The following SHROOM4 variants were observed in gnomAD, a reference collection of about 807,000 sequenced individuals.
SHROOM4 encodes protein Shroom4.
In SHROOM4, 17 loss-of-function variants were observed where a neutral mutation model predicts 80.3. The ratio of observed to expected loss-of-function variants is 0.21; its 90% CI spans 0.14 to 0.32. The LOEUF (loss-of-function observed/expected upper bound fraction) is 0.32. Among genes scored for constraint, SHROOM4 ranks in the 10% least tolerant of loss-of-function variants. The pLI, the probability that SHROOM4 is intolerant of heterozygous loss-of-function variation, is 1.00. For synonymous variants in SHROOM4, 400 were observed against 437.5 expected, an observed-to-expected ratio of 0.91 and a Z score of 1.07; for missense variants, 993 against 1,140.3, an observed-to-expected ratio of 0.87 and a Z score of 1.86.
downstream of SHROOM4, among the ~76,000 whole-genome samples, chrX:50,585,078 T>A (rs1485353273): frequency 1.8e-5 from 2 of 111,209 alleles, no homozygotes; most frequent in African/African-American, 6.5e-5. Context: ...CAGTGTAAGA[T>A]ATCACCAGAA....
chrX:50,677,123 C>T (rs1421382826), intron 2 of SHROOM4, among the ~76,000 whole-genome samples: 1 of 111,263 alleles, frequency 9.0e-6, no homozygotes, highest in Non-Finnish European at 1.9e-5. Context: ...ATAGTCAAGG[C>T]TAGGGGAACA....
intron 2 of SHROOM4, among the ~76,000 whole-genome samples, chrX:50,641,334 T>A (rs782801452): frequency 8.9e-6 from 1 of 112,453 alleles, no homozygotes; most frequent in East Asian, 2.8e-4. Flanking sequence ...GCTTAACCCA[T>A]CTGAAATTTA....
rs1424587790 is a variant in SHROOM4, at chrX:50,590,248, A to C, written c.*6447T>G. Among the ~76,000 whole-genome samples, 1 of 110,402 alleles carries C rather than the reference A, an allele frequency of 9.1e-6. No individual in the cohort carries two copies. The highest frequency in any genetic ancestry group is 3.3e-5 in the African/African-American group (1 of 30,236). On this transcript the variant is annotated 3_prime_UTR_variant, in exon 9 of 9. Transcript: ENST00000376020. ...CCTTATAAGAAGGGGAAGAGACCAGATCCCTTTCTTTTTTTTGAGACAGAA... is the reference window on the plus strand; with the variant it reads ...CCTTATAAGAAGGGGAAGAGACCAGCTCCCTTTCTTTTTTTTGAGACAGAA...
intron 1 of SHROOM4, among the ~76,000 whole-genome samples, chrX:50,750,752 C>T (rs1934898816): frequency 8.9e-6 from 1 of 112,074 alleles, no homozygotes; most frequent in Non-Finnish European, 1.9e-5. Flanking sequence ...ATATGGGAAG[C>T]AATCTTATTT....
At chrX:50,695,025 A>G (rs1557262937) in intron 2 of SHROOM4, among the ~76,000 whole-genome samples, 1 of 111,329 alleles carries the variant, frequency 9.0e-6, no homozygotes, top group Non-Finnish European at 1.9e-5. Context: ...AGCCATGTGG[A>G]AAGTTCACCA....
At chrX:50,795,805 C>T (rs1037880542) in intron 1 of SHROOM4, among the ~76,000 whole-genome samples, 2 of 111,999 alleles carry the variant, frequency 1.8e-5, no homozygotes, top group East Asian at 2.8e-4. Context: ...TTTGGATTTC[C>T]ATATGCCTCA....
At chrX:50,582,067 A>G (rs1308789829), downstream of SHROOM4, among the ~76,000 whole-genome samples, 1 of 112,108 alleles carries the variant, frequency 8.9e-6, no homozygotes, top group East Asian at 2.8e-4. Flanking sequence ...TCTAAACAAT[A>G]GAATATGGCA....
At chrX:50,761,298 G>A (rs1557268847) in intron 1 of SHROOM4, among the ~76,000 whole-genome samples, 2 of 111,507 alleles carry the variant, frequency 1.8e-5, no homozygotes, top group East Asian at 5.7e-4. Flanking sequence ...TTGGTTTTCT[G>A]TTCCTGCGTT....
chrX:50,682,222 T>C (rs2147418646), intron 2 of SHROOM4, among the ~76,000 whole-genome samples: 1 of 112,075 alleles, frequency 8.9e-6, no homozygotes, highest in East Asian at 2.8e-4. Flanking sequence ...CATTTGTAAC[T>C]AGTATCTTTT....
chrX:50,715,227 AGCACTCT>A (rs1187468891), intron 1 of SHROOM4, among the ~76,000 whole-genome samples: 1 of 110,588 alleles, frequency 9.0e-6, no homozygotes, highest in African/African-American at 3.3e-5. Context: ...GCACTCCCAG[AGCACTCT>A]GCACACACCT....
In SHROOM4 at chrX:50,776,123, T is replaced by C. The variant is rs782311364; in HGVS notation, c.117+37779A>G. Among the ~76,000 whole-genome samples the C allele has an allele frequency of 6.3e-5, 7 of 110,891 alleles. No individual in the cohort carries two copies. The South Asian group carries it at 2.7e-3, about 43-fold the overall frequency. ...TGGCTGCTAAACAGAGCCAGCCCTA[T>C]GTAACTAAGAAACCAGGCCCCCAAC... On this transcript the variant is annotated intron_variant, in intron 1 of 8. Transcript: ENST00000376020.
At chrX:50,792,352 G>C (rs781812088) in intron 1 of SHROOM4, among the ~76,000 whole-genome samples, 1 of 110,225 alleles carries the variant, frequency 9.1e-6, no homozygotes, top group Non-Finnish European at 1.9e-5. Flanking sequence ...TACAAAAAAA[G>C]AAAATTAGCC....
chrX:50,687,238 G>C (rs901507492), intron 2 of SHROOM4: 3 of 104,455 alleles, frequency 2.9e-5, no homozygotes, highest in African/African-American at 1.1e-4. Context: ...AGTGTCTGTT[G>C]CAACTATTCA....
the SHROOM4 span, among the ~76,000 whole-genome samples, chrX:50,576,496 A>G: frequency 9.0e-6 from 1 of 111,717 alleles, no homozygotes; most frequent in Non-Finnish European, 1.9e-5. Flanking sequence ...TATTTAGCAA[A>G]GAGAAGCAGA....
intron 2 of SHROOM4, among the ~76,000 whole-genome samples, chrX:50,660,916 G>T (rs1488473380): frequency 8.2e-5 from 9 of 110,135 alleles, no homozygotes; most frequent in Admixed American, 6.8e-4. Context: ...TGTGCCAACA[G>T]AGTATCTTTC....
intron 4 of SHROOM4, among the ~76,000 whole-genome samples, chrX:50,630,598 C>G (rs782753739): frequency 9.0e-6 from 1 of 110,796 alleles, no homozygotes; most frequent in African/African-American, 3.3e-5. Context: ...TATATTCAAA[C>G]ATACAAAAAT....
intron 2 of SHROOM4, among the ~76,000 whole-genome samples, chrX:50,691,893 C>T (rs1018113484): frequency 9.0e-6 from 1 of 111,376 alleles, no homozygotes; most frequent in African/African-American, 3.3e-5. Context: ...ATACCGTGCC[C>T]AAGGTAGTCC....
intron 7 of SHROOM4, among the ~76,000 whole-genome samples, chrX:50,600,910 A>G (rs1333347901): frequency 1.8e-5 from 2 of 112,122 alleles, no homozygotes; most frequent in East Asian, 5.6e-4. Context: ...ATAAAAGTCA[A>G]TGCTGGGGAC....
At chrX:50,771,644 C>T (rs1935396065) in intron 1 of SHROOM4, among the ~76,000 whole-genome samples, 1 of 112,230 alleles carries the variant, frequency 8.9e-6, no homozygotes, top group African/African-American at 3.2e-5. Context: ...TACACAGCAT[C>T]CTCCCATTCA....
Sources: allele counts gnomAD v4.1 joint callset (sites outside exome capture counted in the v4.1 genomes callset), GRCh38; gene constraint gnomAD v4.1.1; transcripts MANE v1.5; gene names NCBI Gene and HGNC (gene_info 2026-07-23, HGNC 2026-07-21).